SLC25A21: variants seen among roughly 807,000 people sequenced by gnomAD.
The protein encoded by SLC25A21 is mitochondrial 2-oxodicarboxylate carrier.
In SLC25A21, 47 loss-of-function variants were observed where a neutral mutation model predicts 43.8. That is an observed-to-expected ratio of 1.07 (90% CI 0.85 to 1.37). The LOEUF (loss-of-function observed/expected upper bound fraction) is 1.37, where lower values mean the gene tolerates loss of function less well. SLC25A21 is among the 40% of genes most tolerant of loss of function. The pLI is 0.00. For missense variants in SLC25A21, 352 were observed against 350.2 expected, an observed-to-expected ratio of 1.00 and a Z score of -0.04; for synonymous variants, 131 against 121.3, an observed-to-expected ratio of 1.08 and a Z score of -0.52.
chr14:36,990,168 G>A (rs1314268546), intron 1 of SLC25A21, among the ~76,000 whole-genome samples: 1 of 152,140 alleles, frequency 6.6e-6, no homozygotes, highest in African/African-American at 2.4e-5. Flanking sequence ...TGCCACCTGA[G>A]ATTCCAGGCT....
At chr14:36,921,631 ACTAAT>A (rs1232102005) in intron 1 of SLC25A21, among the ~76,000 whole-genome samples, 2 of 152,140 alleles carry the variant, frequency 1.3e-5, no homozygotes, top group Admixed American at 1.3e-4. Flanking sequence ...AGACAGCAAA[ACTAAT>A]CAAGGGTGGC....
At chr14:37,159,668 C>A (rs555614966) in intron 1 of SLC25A21, among the ~76,000 whole-genome samples, 2 of 152,114 alleles carry the variant, frequency 1.3e-5, no homozygotes, top group East Asian at 3.9e-4. Flanking sequence ...TTGGTTTCAG[C>A]AAGGAATTTA....
intron 3 of SLC25A21, among the ~76,000 whole-genome samples, chr14:36,753,952 A>AGAGAGAGAGAGAGG (rs1885819773): frequency 6.6e-6 from 1 of 151,262 alleles, no homozygotes; most frequent in East Asian, 1.9e-4. Context: ...AGAGAGAGAG[A>AGAGAGAGAGAGAGG]GAGAGAGAAA....
intron 2 of SLC25A21, among the ~76,000 whole-genome samples, chr14:36,851,078 T>G (rs1165982148): frequency 1.3e-5 from 2 of 152,224 alleles, no homozygotes; most frequent in African/African-American, 4.8e-5. Flanking sequence ...GCTTGGTATC[T>G]CTATTTAAAG....
chr14:36,758,846 A>G (rs2139274029), intron 3 of SLC25A21, among the ~76,000 whole-genome samples: 1 of 152,290 alleles, frequency 6.6e-6, no homozygotes, highest in African/African-American at 2.4e-5. Context: ...AGCAGCCCAG[A>G]GCAGAGGCGT....
At chr14:36,724,948 C>A (rs2139211351) in intron 6 of SLC25A21, among the ~76,000 whole-genome samples, 1 of 152,180 alleles carries the variant, frequency 6.6e-6, no homozygotes, top group Admixed American at 6.5e-5. Flanking sequence ...GTTTTGCCAG[C>A]AGCTGGGAGA....
At position 37,083,156 on chromosome 14, in the gene SLC25A21, GTATAA is replaced by G. The variant is rs1296531809; in HGVS notation, c.70+89120_70+89124del. 2.6e-5 allele frequency among the ~76,000 whole-genome samples: 4 copies of G among 152,168 alleles called. No individual in the cohort carries two copies. In the East Asian group the frequency reaches 5.8e-4, roughly 22 times the overall value. ...AATGTAAGCTCTGAGAATAAAAGAG[GTATAA>G]TAGGATGAGAATCAATTATTTCTAT... On this transcript the variant is annotated intron_variant, in intron 1 of 9. Transcript: ENST00000331299.
intron 1 of SLC25A21, among the ~76,000 whole-genome samples, chr14:36,983,392 C>T (rs1594736907): frequency 6.6e-6 from 1 of 151,952 alleles, no homozygotes; most frequent in Non-Finnish European, 1.5e-5. Flanking sequence ...AGTGTAGGTG[C>T]TAATATACAG....
chr14:36,814,622 C>G (rs1293571905), intron 2 of SLC25A21, among the ~76,000 whole-genome samples: 2 of 152,146 alleles, frequency 1.3e-5, no homozygotes. Context: ...CAATGAGATA[C>G]CATTTTATGC....
chr14:37,000,596 T>C (rs916489154), intron 1 of SLC25A21, among the ~76,000 whole-genome samples: 1 of 152,158 alleles, frequency 6.6e-6, no homozygotes, highest in Non-Finnish European at 1.5e-5. Flanking sequence ...TCTGATCAGA[T>C]GCCATCCAAT....
At position 36,745,555 on chromosome 14, in the gene SLC25A21, ATC is replaced by A. The variant is rs539362717; in HGVS notation, c.204-10984_204-10983del. Among the ~76,000 whole-genome samples the A allele has an allele frequency of 2.8e-3, 431 of 152,294 alleles. 1 individual carries two copies. Among genetic ancestry groups the A allele is most frequent in the African/African-American group, 9.5e-3 (393 of 41,566 alleles). ...ACCATTCTAACTGGCATGAGATGGT[ATC>A]TCATTGTGGTTTTGATTTGCATTTC... is the stretch of plus-strand genomic sequence containing the variant. On this transcript the variant is annotated intron_variant, in intron 3 of 9. Transcript: ENST00000331299.
At chr14:37,098,770 C>CAGATAGATAGAT (rs1162182121) in intron 1 of SLC25A21, among the ~76,000 whole-genome samples, 41 of 121,490 alleles carry the variant, frequency 3.4e-4, no homozygotes, top group African/African-American at 1.5e-3. Context: ...GACAGACAGA[C>CAGATAGATAGAT]AGACAGACAG....
intron 1 of SLC25A21, among the ~76,000 whole-genome samples, chr14:37,112,254 A>C (rs1458099502): frequency 6.6e-6 from 1 of 152,164 alleles, no homozygotes; most frequent in Non-Finnish European, 1.5e-5. Flanking sequence ...GCCAAAATAC[A>C]ACAGGCCCCT....
At chr14:37,087,435 T>C (rs1962506251) in intron 1 of SLC25A21, among the ~76,000 whole-genome samples, 1 of 152,190 alleles carries the variant, frequency 6.6e-6, no homozygotes, top group Non-Finnish European at 1.5e-5. Flanking sequence ...TCATTTTCCT[T>C]TTCCCTTTGG....
Position 36,876,816 on chromosome 14 carries a change from A to ATATATATATGAAATATG in SLC25A21, c.71-1829_71-1813dup, listed in dbSNP as rs1180223428. ...TGCTGTTTTTGAATCTGACTCACAT[A>ATATATATATGAAATATG]TATATATATGAAATATGTATATATA... On this transcript the variant is annotated intron_variant, in intron 1 of 9. Transcript: ENST00000331299. Among the ~76,000 whole-genome samples, 106 of 151,114 alleles carry ATATATATATGAAATATG rather than the reference A, an allele frequency of 7.0e-4. 1 individual carries two copies. The highest frequency in any genetic ancestry group is 1.7e-3 in the Admixed American group (26 of 15,116).
chr14:36,817,748 T>G (rs554189184), intron 2 of SLC25A21, among the ~76,000 whole-genome samples: 1 of 152,288 alleles, frequency 6.6e-6, no homozygotes, highest in African/African-American at 2.4e-5. Flanking sequence ...TGTCTAGATA[T>G]TCAGCCTTAG....
intron 1 of SLC25A21, among the ~76,000 whole-genome samples, chr14:37,105,049 T>C (rs776679233): frequency 5.3e-5 from 8 of 152,228 alleles, no homozygotes; most frequent in Non-Finnish European, 1.2e-4. Context: ...TCTTTATGTT[T>C]TTATCATCAC....
chr14:36,901,849 T>G (rs1006601627), intron 1 of SLC25A21, among the ~76,000 whole-genome samples: 18 of 152,226 alleles, frequency 1.2e-4, no homozygotes, highest in African/African-American at 4.3e-4. Context: ...CTGTTCTTCA[T>G]TCTGAATGTT....
At chr14:37,148,447 T>A (rs926667369) in intron 1 of SLC25A21, among the ~76,000 whole-genome samples, 1 of 152,226 alleles carries the variant, frequency 6.6e-6, no homozygotes, top group Non-Finnish European at 1.5e-5. Context: ...TGTTTTGTCT[T>A]CATTGTTGCT....
Sources: gnomAD v4.1 joint callset for allele counts (sites outside exome capture counted in the v4.1 genomes callset) on GRCh38, gnomAD v4.1.1 for gene constraint, MANE v1.5 for transcripts, NCBI Gene and HGNC (gene_info 2026-07-23, HGNC 2026-07-21) for gene names.